NAA30: variants seen among roughly 807,000 people sequenced by gnomAD.
The protein encoded by NAA30 is N-alpha-acetyltransferase 30, NatC catalytic subunit.
A neutral mutation model predicts 31.4 loss-of-function variants in NAA30; 5 were observed. The observed-to-expected ratio is 0.16, with a 90% confidence interval of 0.08 to 0.33. The LOEUF (loss-of-function observed/expected upper bound fraction) is 0.33, where lower values mean the gene tolerates loss of function less well. Ranked by LOEUF, NAA30 falls within the 10% of genes least tolerant of loss-of-function variation. The pLI is 1.00. For missense variants in NAA30, 428 were observed against 490.8 expected, an observed-to-expected ratio of 0.87 and a Z score of 1.21; for synonymous variants, 222 against 207.1, an observed-to-expected ratio of 1.07 and a Z score of -0.62.
chr14:57,402,638 C>T (rs907823795), intron 4 of NAA30, among the ~76,000 whole-genome samples: 13 of 152,156 alleles, frequency 8.5e-5, no homozygotes, highest in East Asian at 1.9e-4. Context: ...GTTAAAATGC[C>T]TTTGAAATGA....
At chr14:57,392,614 T>C (rs2066434427) in intron 2 of NAA30, among the ~76,000 whole-genome samples, 1 of 152,220 alleles carries the variant, frequency 6.6e-6, no homozygotes, top group Non-Finnish European at 1.5e-5. Context: ...CCCTTTAACT[T>C]AAACGTTGAC....
At chr14:57,395,227 A>G (rs974619043) in intron 2 of NAA30, among the ~76,000 whole-genome samples, 1 of 152,184 alleles carries the variant, frequency 6.6e-6, no homozygotes, top group African/African-American at 2.4e-5. Context: ...GTTGAATTTC[A>G]TATTCCTTCA....
rs560118284 is a variant in NAA30 at position 57,403,026 on chromosome 14, C to T, written c.951+3143C>T. ...TGAAACCCCGTCTCTACTAAAAATA[C>T]GAAAATTAGCTGGGCGTGGTGCCAC... On this transcript the variant is annotated intron_variant, in intron 4 of 4. Transcript: ENST00000556492. Among the ~76,000 whole-genome samples, 315 of 152,216 alleles carry T rather than the reference C, an allele frequency of 2.1e-3. 1 individual carries two copies. The highest frequency in any genetic ancestry group is 6.8e-3 in the African/African-American group (283 of 41,530).
At position 57,391,362 on chromosome 14, in the gene NAA30, C is replaced by T. The variant is rs781400063; in HGVS notation, c.405C>T (p.Gly135=). ...TATKGAGVHS[G]ERPPHSLSSN... is the part of the protein sequence containing the mutation. ...CAAAAGGAGCCGGGGTACACTCGGG[C>T]GAGAGGCCCCCTCACTCCCTCTCTA... Residue 135 remains glycine, a synonymous_variant, in exon 2 of 5, where the codon GGC becomes GGT. Transcript: ENST00000556492. This position sits in a 1 kb window ranked among gnomAD's most constrained non-coding sequence, Gnocchi z 4.1. 3 of 1,611,546 alleles carry T rather than the reference C, an allele frequency of 1.9e-6. No homozygotes were observed. The highest frequency in any genetic ancestry group is 2.5e-6 in the Non-Finnish European group (3 of 1,179,406).
intron 2 of NAA30, 85 bp from the exon 3 acceptor site, chr14:57,396,667 C>T (rs12894584): frequency 0.25 from 358,124 of 1,439,060 alleles, 50,057 homozygotes; most frequent in Non-Finnish European, 0.29. Context: ...AAAATGCTTA[C>T]CAATGGTTGG....
chr14:57,405,265 A>G (rs182438963), intron 4 of NAA30, among the ~76,000 whole-genome samples: 23 of 152,234 alleles, frequency 1.5e-4, no homozygotes, highest in African/African-American at 4.8e-4. Flanking sequence ...GATCTAAGTT[A>G]TTTTTTGAAA....
In NAA30 at chr14:57,399,910, T is replaced by A. The variant is rs552654263; in HGVS notation, c.951+27T>A. On this transcript the variant is annotated intron_variant, in intron 4 of 4. Transcript: ENST00000556492. ...TAAGTCTTTAAAAATGTTTAATATT[T>A]TTTATCTGGGCATTATTCTTTCTGG... is the stretch of plus-strand genomic sequence containing the variant. The A allele has an allele frequency of 2.1e-5, 22 of 1,060,618 alleles. No homozygotes were observed. The African/African-American group carries it at 3.1e-4, about 15-fold the overall frequency. 65.7% of individuals were successfully genotyped at this position (1,060,618 alleles called of 1,614,324 possible). A position where few individuals can be genotyped will look rare whatever the true frequency, so the allele number is the denominator to read the frequency against.
At chr14:57,402,093 T>C (rs2066479875) in intron 4 of NAA30, among the ~76,000 whole-genome samples, 1 of 152,260 alleles carries the variant, frequency 6.6e-6, no homozygotes, top group African/African-American at 2.4e-5. Context: ...TGTCCAGTGT[T>C]ATTCAGATCG....
intron 2 of NAA30, among the ~76,000 whole-genome samples, chr14:57,396,137 G>T (rs2066449372): frequency 6.6e-6 from 1 of 152,030 alleles, no homozygotes; most frequent in Non-Finnish European, 1.5e-5. Flanking sequence ...ACCACACCTG[G>T]CTAATTTAAG....
chr14:57,391,276 A>G lies in NAA30; in HGVS notation c.319A>G (p.Ser107Gly). Residue 107 changes from serine to glycine, a missense_variant, in exon 2 of 5, where the codon AGC (serine) becomes GGC (glycine). Physicochemically the swap from Ser to Gly is moderately conservative, Grantham distance 56. Around this residue, in one of 2 missense-constraint regions of NAA30, gnomAD observed 349 missense variants for 310.4 expected, o/e 1.12. Coordinates refer to ENST00000556492, the MANE Select transcript of NAA30 (RefSeq NM_001011713.3). The surrounding 1 kb of genome is among the most constrained non-coding windows in gnomAD (Gnocchi z 4.1). ...AAASLKSKVL[S>G]VAEVAATTAT... ...CGCCTCCCTCAAGAGCAAGGTCCTG[A>G]GCGTAGCAGAGGTGGCCGCGACCAC... The G allele has an allele frequency of 6.2e-7, 1 of 1,611,752 alleles. No individual in the cohort carries two copies.
chr14:57,397,405 C>T (rs1241303034), intron 3 of NAA30, among the ~76,000 whole-genome samples: 1 of 152,036 alleles, frequency 6.6e-6, no homozygotes, highest in African/African-American at 2.4e-5. Context: ...TCTACTTTTC[C>T]TGACATGTTT....
In NAA30 at chr14:57,391,287, G is replaced by A; in HGVS notation, c.330G>A (p.Glu110=). Residue 110 remains glutamate, a synonymous_variant, in exon 2 of 5, where the codon GAG becomes GAA. Transcript: ENST00000556492. The surrounding 1 kb of genome is among the most constrained non-coding windows in gnomAD (Gnocchi z 4.1). ...AGAGCAAGGTCCTGAGCGTAGCAGA[G>A]GTGGCCGCGACCACAGCCACCCCTG... ...SLKSKVLSVA[E]VAATTATPDG... is the part of the protein sequence containing the mutation. 6.2e-7 allele frequency: 1 copy of A among 1,611,198 alleles called. No homozygotes were observed. The highest frequency in any genetic ancestry group is 8.5e-7 in the Non-Finnish European group (1 of 1,179,228).
intron 2 of NAA30, among the ~76,000 whole-genome samples, chr14:57,394,802 G>C (rs929051163): frequency 5.9e-5 from 9 of 152,096 alleles, no homozygotes; most frequent in African/African-American, 2.2e-4. Flanking sequence ...GTGTTTAATG[G>C]TTTTAATTTT....
At chr14:57,393,111 C>G (rs2066436924) in intron 2 of NAA30, among the ~76,000 whole-genome samples, 1 of 152,106 alleles carries the variant, frequency 6.6e-6, no homozygotes, top group South Asian at 2.1e-4. Flanking sequence ...GTAAGTTAAC[C>G]CACAGAAGTA....
At chr14:57,396,940 A>C (rs2066453183) in intron 3 of NAA30, 65 bp downstream of exon 3, 8 of 1,510,956 alleles carry the variant, frequency 5.3e-6, no homozygotes, top group Non-Finnish European at 6.4e-6. Flanking sequence ...GTGTTTTGAA[A>C]TAAAAGACTT....
intron 1 of NAA30, 24 bp from the exon 2 acceptor site, chr14:57,390,933 C>T (rs1440598045): frequency 6.8e-7 from 1 of 1,460,552 alleles, no homozygotes; most frequent in Middle Eastern, 2.6e-4. Flanking sequence ...CATGGCCTCC[C>T]CTCTCGGTCT....
chr14:57,401,355 A>G (rs2066476374), intron 4 of NAA30, among the ~76,000 whole-genome samples: 1 of 152,146 alleles, frequency 6.6e-6, no homozygotes. Flanking sequence ...AAAAATATCT[A>G]ATTTTACTCC....
chr14:57,395,608 C>T (rs1283429800), intron 2 of NAA30, among the ~76,000 whole-genome samples: 1 of 152,136 alleles, frequency 6.6e-6, no homozygotes, highest in Non-Finnish European at 1.5e-5. Context: ...CACTAGAAAT[C>T]TTAATGAAAA....
chr14:57,404,628 C>T (rs1184622947), intron 4 of NAA30, among the ~76,000 whole-genome samples: 1 of 152,088 alleles, frequency 6.6e-6, no homozygotes, highest in Non-Finnish European at 1.5e-5. Flanking sequence ...TGAGACTGGG[C>T]AGTTTACAAA....
Sources: gnomAD v4.1 joint callset for allele counts (sites outside exome capture counted in the v4.1 genomes callset) on GRCh38, gnomAD v4.1.1 for gene constraint, gnomAD v4.1.1 regional missense constraint, Gnocchi (gnomAD v3.1) non-coding constraint, MANE v1.5 for transcripts, NCBI Gene and HGNC (gene_info 2026-07-23, HGNC 2026-07-21) for gene names.